The following TCF3 variants were observed in gnomAD, a reference collection of about 807,000 sequenced individuals.
TCF3 encodes transcription factor 3.
Under a neutral mutation model 72.3 loss-of-function variants are expected in TCF3, and 54 were observed. The observed-to-expected ratio is 0.75, with a 90% confidence interval of 0.60 to 0.94. The LOEUF (loss-of-function observed/expected upper bound fraction) is 0.94, where lower values mean the gene tolerates loss of function less well. Among genes scored for constraint, TCF3 ranks in the 40% least tolerant of loss-of-function variants. The probability of loss-of-function intolerance (pLI) is 0.00; values close to 1 mark genes in which losing one functional copy is unlikely to be tolerated. For synonymous variants in TCF3, 525 were observed against 412.6 expected (o/e 1.27, Z -3.30); for missense variants, 1,078 against 934.4 (o/e 1.15, Z -2.00).
intron 5 of TCF3, among the ~76,000 whole-genome samples, chr19:1,631,658 G>A (rs753613066): frequency 6.6e-5 from 10 of 152,072 alleles, no homozygotes; most frequent in Non-Finnish European, 1.0e-4. Flanking sequence ...TCTGACCACC[G>A]CACACTCTGG....
At chr19:1,647,930 C>T (rs1043075345) in intron 2 of TCF3, among the ~76,000 whole-genome samples, 4 of 152,172 alleles carry the variant, frequency 2.6e-5, no homozygotes, top group Non-Finnish European at 5.9e-5. Context: ...GAGTCTCGCA[C>T]GCGGCAGGGC....
chr19:1,631,528 C>G (rs912140001), intron 5 of TCF3, among the ~76,000 whole-genome samples: 3 of 152,116 alleles, frequency 2.0e-5, no homozygotes, highest in African/African-American at 4.8e-5. Context: ...CTCGCTCTCC[C>G]AAAGTGCTGG....
At chr19:1,625,431 A>T (rs978500525) in intron 7 of TCF3, 145 bp downstream of exon 7, 1 of 1,112,114 alleles carries the variant, frequency 9.0e-7, no homozygotes. Context: ...CATCCCTCCC[A>T]CGGCCCGAGC....
intron 3 of TCF3, among the ~76,000 whole-genome samples, chr19:1,640,070 A>T (rs1018808371): frequency 3.9e-5 from 6 of 152,170 alleles, no homozygotes; most frequent in African/African-American, 1.2e-4. Context: ...GAAACCACCT[A>T]AAAGTTGGCG....
At position 1,615,571 on chromosome 19, in the gene TCF3, G is replaced by A. The variant is rs1402004290; in HGVS notation, c.1587-51C>T. On this transcript the variant is annotated intron_variant, in intron 17 of 18. Transcript: ENST00000262965. The surrounding 1 kb of genome is among the most constrained non-coding windows in gnomAD (Gnocchi z 7.3). ...CCAGAGGGAGACAGTGAGGTTGGGGGAAGAGCGTGGGGCCCGCCGACGGCC... is the reference window on the plus strand; with the variant it reads ...CCAGAGGGAGACAGTGAGGTTGGGGAAAGAGCGTGGGGCCCGCCGACGGCC... 13 of 1,604,878 alleles carry A rather than the reference G, an allele frequency of 8.1e-6. No homozygotes were observed. Among genetic ancestry groups the A allele is most frequent in the East Asian group, 2.2e-5 (1 of 44,858 alleles).
intron 2 of TCF3, among the ~76,000 whole-genome samples, chr19:1,648,498 C>G (rs117809435): frequency 0.01 from 1,532 of 152,302 alleles, 17 homozygotes; most frequent in Non-Finnish European, 0.016. Context: ...GCCCCCTCCC[C>G]CCAAACGCTG....
intron 6 of TCF3, among the ~76,000 whole-genome samples, chr19:1,626,748 G>C (rs1255591871): frequency 6.6e-6 from 1 of 152,206 alleles, no homozygotes; most frequent in Non-Finnish European, 1.5e-5. Flanking sequence ...CTGGCGCAGA[G>C]CCTGGCACCC....
chr19:1,623,794 G>A (rs2062550223), intron 8 of TCF3, among the ~76,000 whole-genome samples, 157 bp downstream of exon 8: 2 of 152,156 alleles, frequency 1.3e-5, no homozygotes, highest in African/African-American at 2.4e-5. Context: ...CCTTGGAGGC[G>A]GCCTCGGGTC....
At chr19:1,652,067 G>C (rs551785850) in intron 1 of TCF3, among the ~76,000 whole-genome samples, 1 of 150,222 alleles carries the variant, frequency 6.7e-6, no homozygotes, top group African/African-American at 2.4e-5. Context: ...TGCCCGGCCC[G>C]ACGGGGGCGA....
intron 5 of TCF3, among the ~76,000 whole-genome samples, chr19:1,627,715 C>T (rs2063073267): frequency 6.6e-6 from 1 of 152,076 alleles, no homozygotes; most frequent in Admixed American, 6.5e-5. Context: ...CTCTGAGCAT[C>T]TGCAGCCCAC....
chr19:1,649,956 A>C (rs547712296), intron 2 of TCF3, among the ~76,000 whole-genome samples: 3 of 152,354 alleles, frequency 2.0e-5, no homozygotes, highest in Non-Finnish European at 2.9e-5. Flanking sequence ...AGTAGGCTGT[A>C]GAATGCTGCG....
At chr19:1,621,252 G>GCT in intron 11 of TCF3, 61 bp from the exon 12 acceptor site, 1 of 1,506,566 alleles carries the variant, frequency 6.6e-7, no homozygotes. Context: ...CCGACGGCAA[G>GCT]CTCTCCTGCG....
chr19:1,650,374 G>A (rs2066827667), intron 1 of TCF3, 87 bp from the exon 2 acceptor site: 9 of 1,068,498 alleles, frequency 8.4e-6, no homozygotes, highest in Admixed American at 5.1e-5. Flanking sequence ...AGTGCTAAAA[G>A]CCACCTAAAA....
At chr19:1,632,466 C>T (rs1219131599) in intron 3 of TCF3, 61 bp from the exon 4 acceptor site, 21 of 1,516,618 alleles carry the variant, frequency 1.4e-5, no homozygotes, top group African/African-American at 4.1e-5. Context: ...CTAAAAGCTT[C>T]GGTTCATCAT....
intron 2 of TCF3, among the ~76,000 whole-genome samples, chr19:1,647,458 G>A (rs992473626): frequency 2.0e-5 from 3 of 152,226 alleles, no homozygotes; most frequent in African/African-American, 7.2e-5. Flanking sequence ...GGTCCAAAGG[G>A]GACCCAGGAA....
At chr19:1,641,686 CAT>C (rs2065263888) in intron 3 of TCF3, among the ~76,000 whole-genome samples, 1 of 152,006 alleles carries the variant, frequency 6.6e-6, no homozygotes, top group South Asian at 2.1e-4. Context: ...CTCCTGGCCT[CAT>C]GTGATCCACA....
intron 8 of TCF3, among the ~76,000 whole-genome samples, chr19:1,623,556 G>T (rs1056755813): frequency 6.6e-6 from 1 of 151,982 alleles, no homozygotes; most frequent in Admixed American, 6.6e-5. Flanking sequence ...GCTGATTTTT[G>T]TATTTTTAGT....
chr19:1,633,203 C>A (rs948921699), intron 3 of TCF3, among the ~76,000 whole-genome samples: 1 of 152,208 alleles, frequency 6.6e-6, no homozygotes, highest in South Asian at 2.1e-4. Flanking sequence ...CCCCTTCCAT[C>A]GGGGGCCACA....
chr19:1,650,532 GA>G (rs1237044106), intron 1 of TCF3: 2 of 408,578 alleles, frequency 4.9e-6, no homozygotes, highest in Non-Finnish European at 8.7e-6. Context: ...AAAATGGGGG[GA>G]GGGTGTGCAA....
Sources: gnomAD v4.1 joint callset for allele counts (sites outside exome capture counted in the v4.1 genomes callset) on GRCh38, gnomAD v4.1.1 for gene constraint, Gnocchi (gnomAD v3.1) non-coding constraint, MANE v1.5 for transcripts, NCBI Gene and HGNC (gene_info 2026-07-23, HGNC 2026-07-21) for gene names.